Variants in POLN observed in about 807,000 individuals in gnomAD.
POLN encodes the protein DNA polymerase nu.
In POLN, 108 loss-of-function variants were observed where a neutral mutation model predicts 113.5. The ratio of observed to expected loss-of-function variants is 0.95; its 90% CI spans 0.81 to 1.12. The LOEUF is 1.12. Among genes scored for constraint, POLN ranks in the 50% most tolerant of loss-of-function variants. The pLI, the probability that POLN is intolerant of heterozygous loss-of-function variation, is 0.00. For synonymous variants in POLN, 386 were observed against 391.5 expected, an observed-to-expected ratio of 0.99 and a Z score of 0.17; for missense variants, 1,097 against 1,077.1, an observed-to-expected ratio of 1.02 and a Z score of -0.26.
At chr4:2,097,902 G>T (rs758829976) in intron 19 of POLN, among the ~76,000 whole-genome samples, 5 of 152,232 alleles carry the variant, frequency 3.3e-5, no homozygotes, top group Admixed American at 1.3e-4. Context: ...AGTTTTGTTA[G>T]ATTTTTCAAT....
At chr4:2,124,639 T>C (rs143802601) in intron 19 of POLN, among the ~76,000 whole-genome samples, 6 of 152,230 alleles carry the variant, frequency 3.9e-5, no homozygotes, top group Non-Finnish European at 8.8e-5. Context: ...TTTTAAAAGA[T>C]GGTGAGAGCT....
intron 21 of POLN, among the ~76,000 whole-genome samples, chr4:2,082,437 T>A (rs1052162582): frequency 1.3e-5 from 2 of 152,210 alleles, no homozygotes; most frequent in African/African-American, 4.8e-5. Flanking sequence ...GATGTCTCAG[T>A]CAGGTCCAGA....
At chr4:2,112,376 T>C (rs969594082) in intron 19 of POLN, among the ~76,000 whole-genome samples, 9 of 152,090 alleles carry the variant, frequency 5.9e-5, no homozygotes, top group African/African-American at 2.2e-4. Context: ...GAAGCCAAAA[T>C]TGACAAATGG....
At chr4:2,159,375 C>T (rs1262691402) in intron 13 of POLN, among the ~76,000 whole-genome samples, 164 bp from the exon 14 acceptor site, 3 of 152,144 alleles carry the variant, frequency 2.0e-5, no homozygotes, top group Non-Finnish European at 2.9e-5. Context: ...TTAATCCTAA[C>T]CCCTTACAAA....
intron 23 of POLN, among the ~76,000 whole-genome samples, chr4:2,078,252 G>A (rs1017622811): frequency 1.3e-5 from 2 of 152,352 alleles, no homozygotes; most frequent in East Asian, 3.9e-4. Flanking sequence ...CACCAGAAGA[G>A]ACAGACAGGA....
chr4:2,073,163 ACCTGAACCAGCTGTGGGACCTTAATG>A (rs1316797702), intron 24 of POLN, 134 bp from the exon 25 acceptor site: 1 of 783,888 alleles, frequency 1.3e-6, no homozygotes, highest in East Asian at 2.7e-5. Flanking sequence ...CCACTCGGTC[ACCTGAACCAGCTGTGGGACCTTAATG>A]CCCACAAGGA....
At chr4:2,193,899 T>C (rs1460460558) in intron 6 of POLN, among the ~76,000 whole-genome samples, 1 of 152,184 alleles carries the variant, frequency 6.6e-6, no homozygotes, top group Non-Finnish European at 1.5e-5. Flanking sequence ...TATCCACACA[T>C]GTAGTACAGT....
intron 16 of POLN, among the ~76,000 whole-genome samples, chr4:2,137,818 A>G (rs546846402): frequency 6.6e-6 from 1 of 151,794 alleles, no homozygotes; most frequent in Admixed American, 6.6e-5. Context: ...GACTCCATAG[A>G]GCAGAGGTGT....
rs1347879405 is a variant in POLN at position 2,173,923 on chromosome 4, G to A, written c.1374+32C>T. 10 of 1,594,318 alleles carry A rather than the reference G, an allele frequency of 6.3e-6. No homozygotes were observed. The African/African-American group carries it at 1.3e-4, about 21-fold the overall frequency. ...AACTATCTCATGCAGGAAAGAGATG[G>A]CCAGTACAAACCATCTGGAATAATA... On this transcript the variant is annotated intron_variant, in intron 11 of 25. Coordinates refer to ENST00000511885, the MANE Select transcript of POLN (RefSeq NM_181808.4).
At chr4:2,236,894 T>C (rs1263455739) in intron 2 of POLN, among the ~76,000 whole-genome samples, 1 of 149,258 alleles carries the variant, frequency 6.7e-6, no homozygotes, top group Non-Finnish European at 1.5e-5. Context: ...ATAATTATAA[T>C]AATAATATTA....
At chr4:2,221,897 G>A (rs1734261595) in intron 3 of POLN, among the ~76,000 whole-genome samples, 1 of 152,008 alleles carries the variant, frequency 6.6e-6, no homozygotes, top group South Asian at 2.1e-4. Context: ...TTCTAACCTG[G>A]AAGCCCCCTC....
intron 23 of POLN, 111 bp downstream of exon 23, chr4:2,080,847 G>T: frequency 6.3e-7 from 1 of 1,584,112 alleles, no homozygotes; most frequent in Non-Finnish European, 8.6e-7. Context: ...AGGAGGGGAC[G>T]GGGGCCCGAT....
At chr4:2,183,175 G>A (rs540207685) in intron 7 of POLN, among the ~76,000 whole-genome samples, 1 of 152,178 alleles carries the variant, frequency 6.6e-6, no homozygotes. Flanking sequence ...GCAAGGATGT[G>A]GGGAAGTTAC....
At chr4:2,192,489 G>A (rs1733476003) in intron 7 of POLN, among the ~76,000 whole-genome samples, 1 of 151,868 alleles carries the variant, frequency 6.6e-6, no homozygotes. Flanking sequence ...ACAGGCATGA[G>A]CCACCAAGCC....
chr4:2,166,464 G>A (rs941934981), intron 13 of POLN, among the ~76,000 whole-genome samples: 7 of 152,036 alleles, frequency 4.6e-5, no homozygotes, highest in African/African-American at 1.7e-4. Flanking sequence ...CTAATTTTAG[G>A]TGTCAACTTG....
chr4:2,211,078 C>T (rs952670990), intron 4 of POLN, among the ~76,000 whole-genome samples: 3 of 149,858 alleles, frequency 2.0e-5, no homozygotes, highest in Admixed American at 1.3e-4. Context: ...TGGTGAAACC[C>T]CATCTCTATT....
intron 5 of POLN, among the ~76,000 whole-genome samples, chr4:2,204,692 C>G (rs1229026485): frequency 6.6e-6 from 1 of 152,128 alleles, no homozygotes; most frequent in Non-Finnish European, 1.5e-5. Context: ...AAGTCCTTAA[C>G]AAAATACTAG....
rs1731633119 is a variant in POLN, at chr4:2,128,225, A to G, written c.1870T>C (p.Phe624Leu). 2.5e-6 allele frequency: 4 copies of G among 1,583,940 alleles called. No homozygotes were observed. In the East Asian group the frequency reaches 8.9e-5, roughly 35 times the overall value. ...SKGHTFLAAD[F>L]SQIELRILTH... Reference sequence around the variant, plus strand: ...AGAATGCGCAATTCAATCTGTGAAAAGTCTGTGAGATACAGTTCTGCATTA... The same window carrying G: ...AGAATGCGCAATTCAATCTGTGAAAGGTCTGTGAGATACAGTTCTGCATTA... Residue 624 changes from phenylalanine to leucine, a missense_variant and splice_region_variant, in exon 19 of 26, where the codon TTT becomes CTT. Phe to Leu is a conservative substitution (Grantham distance 22). Coordinates refer to ENST00000511885, the MANE Select transcript of POLN (RefSeq NM_181808.4).
intron 22 of POLN, chr4:2,081,294 G>A: frequency 1.9e-6 from 2 of 1,075,402 alleles, no homozygotes; most frequent in Non-Finnish European, 2.7e-6. Flanking sequence ...TGCATGGGGA[G>A]GATGGAAGGG....
Sources: allele counts gnomAD v4.1 joint callset (sites outside exome capture counted in the v4.1 genomes callset), GRCh38; gene constraint gnomAD v4.1.1; transcripts MANE v1.5; gene names NCBI Gene and HGNC (gene_info 2026-07-23, HGNC 2026-07-21).